Variants in RAD51B observed in about 807,000 individuals in gnomAD.
RAD51B encodes RAD51 paralog B, also known as DNA repair protein RAD51 homolog 2.
RAD51B carries 38 observed loss-of-function variants against 42.2 expected under a neutral mutation model. The observed-to-expected ratio is 0.90, with a 90% CI of 0.70 to 1.18. The LOEUF (loss-of-function observed/expected upper bound fraction) is 1.18, where lower values mean the gene tolerates loss of function less well. Among genes scored for constraint, RAD51B ranks in the 50% most tolerant of loss-of-function variants. RAD51B has a pLI of 0.00. For missense variants in RAD51B, 373 were observed against 400.7 expected, an observed-to-expected ratio of 0.93 and a Z score of 0.59; for synonymous variants, 154 against 145.2, an observed-to-expected ratio of 1.06 and a Z score of -0.43.
rs1396630083 is a variant in RAD51B, at chr14:68,412,782, T to C, written c.957+1255T>C. Among the ~76,000 whole-genome samples, 8 of 152,320 alleles carry C rather than the reference T, an allele frequency of 5.3e-5. No homozygotes were observed. In the South Asian group the frequency reaches 1.2e-3, roughly 24 times the overall value. On this transcript the variant is annotated intron_variant, in intron 9 of 10. Coordinates refer to ENST00000471583, the MANE Select transcript of RAD51B (RefSeq NM_133510.4). ...GTTCTGAAGCTGTTATTTCTCTTTT[T>C]AGTGGAACACATTCCAAAATATTCC...
chr14:68,569,028 C>T (rs990145887), intron 10 of RAD51B, among the ~76,000 whole-genome samples: 2 of 152,210 alleles, frequency 1.3e-5, no homozygotes, highest in Non-Finnish European at 2.9e-5. Flanking sequence ...TGTTGAAGGG[C>T]TTTGGGGTCT....
intron 7 of RAD51B, among the ~76,000 whole-genome samples, chr14:68,197,200 T>C (rs1227535234): frequency 6.6e-6 from 1 of 152,194 alleles, no homozygotes; most frequent in Non-Finnish European, 1.5e-5. Context: ...TTCCAGTCAA[T>C]CTCAAGCCTC....
At chr14:68,372,845 A>G (rs943035521) in intron 8 of RAD51B, among the ~76,000 whole-genome samples, 20 of 152,260 alleles carry the variant, frequency 1.3e-4, no homozygotes, top group Middle Eastern at 3.2e-3. Context: ...GTGAGAGAAC[A>G]TAATACATAA....
chr14:68,077,338 A>G (rs533643831), intron 7 of RAD51B, among the ~76,000 whole-genome samples: 10 of 152,286 alleles, frequency 6.6e-5, no homozygotes, highest in Non-Finnish European at 5.9e-5. Flanking sequence ...AGAATACAAG[A>G]TATTGTCCCT....
intron 10 of RAD51B, among the ~76,000 whole-genome samples, chr14:68,557,105 C>T (rs1888891531): frequency 6.6e-6 from 1 of 152,208 alleles, no homozygotes; most frequent in Non-Finnish European, 1.5e-5. Context: ...TTCAGGAGAA[C>T]ACTTTTTATA....
At chr14:68,077,409 T>C (rs999685016) in intron 7 of RAD51B, among the ~76,000 whole-genome samples, 3 of 152,208 alleles carry the variant, frequency 2.0e-5, no homozygotes, top group African/African-American at 7.2e-5. Context: ...TAAATCATCC[T>C]GCTTAGGTTT....
chr14:68,104,529 T>A (rs2077344386), intron 7 of RAD51B, among the ~76,000 whole-genome samples: 1 of 152,198 alleles, frequency 6.6e-6, no homozygotes, highest in Admixed American at 6.5e-5. Flanking sequence ...ATTCTGTGTC[T>A]TAAAATTCAG....
intron 7 of RAD51B, among the ~76,000 whole-genome samples, chr14:68,207,034 CCCG>C (rs2079604756): frequency 6.6e-6 from 1 of 152,222 alleles, no homozygotes; most frequent in East Asian, 1.9e-4. Flanking sequence ...TCATGATCCG[CCCG>C]CCTTGGCCTC....
At chr14:67,880,565 C>A (rs2042872868) in intron 5 of RAD51B, among the ~76,000 whole-genome samples, 1 of 152,118 alleles carries the variant, frequency 6.6e-6, no homozygotes, top group African/African-American at 2.4e-5. Flanking sequence ...TTTGACAACC[C>A]CTGCTTTATT....
intron 11 of RAD51B, among the ~76,000 whole-genome samples, chr14:68,657,785 C>T (rs1211504435): frequency 6.6e-6 from 1 of 152,250 alleles, no homozygotes; most frequent in Non-Finnish European, 1.5e-5. Flanking sequence ...CTTGGACCTT[C>T]TGCTCTGTGC....
At chr14:67,995,489 CT>C (rs2075365228) in intron 7 of RAD51B, among the ~76,000 whole-genome samples, 1 of 152,158 alleles carries the variant, frequency 6.6e-6, no homozygotes, top group Admixed American at 6.6e-5. Flanking sequence ...AACTTAGGAT[CT>C]TTTTCTCACA....
At chr14:68,223,787 A>G (rs1207719078) in intron 7 of RAD51B, among the ~76,000 whole-genome samples, 4 of 152,182 alleles carry the variant, frequency 2.6e-5, no homozygotes, top group Non-Finnish European at 5.9e-5. Flanking sequence ...ACTATTTTCC[A>G]TTCTGTCACT....
intron 10 of RAD51B, among the ~76,000 whole-genome samples, chr14:68,642,778 C>T (rs1018717882): frequency 1.2e-4 from 18 of 152,284 alleles, no homozygotes; most frequent in African/African-American, 4.3e-4. Context: ...TTGCTGCATC[C>T]CACAAATTTT....
rs1175362659 is a variant in RAD51B, at chr14:68,354,223, T to TG, written c.854-57201_854-57200insG. Among the ~76,000 whole-genome samples, 6 of 146,818 alleles carry TG rather than the reference T, an allele frequency of 4.1e-5. No homozygotes were observed. In the East Asian group the frequency reaches 9.8e-4, roughly 24 times the overall value. ...TTGGTTTTTGGTTTTTTGGTTTTTTTTTTTTTTTTTTTGAGATGGAGTCTC... is the reference window on the plus strand; with the variant it reads ...TTGGTTTTTGGTTTTTTGGTTTTTTTGTTTTTTTTTTTTGAGATGGAGTCTC... On this transcript the variant is annotated intron_variant, in intron 8 of 10. Transcript: ENST00000471583.
intron 10 of RAD51B, among the ~76,000 whole-genome samples, chr14:68,572,601 C>A (rs1246694252): frequency 6.6e-6 from 1 of 152,164 alleles, no homozygotes; most frequent in Non-Finnish European, 1.5e-5. Context: ...CCCAATAACT[C>A]CTGCGGTGCC....
intron 7 of RAD51B, among the ~76,000 whole-genome samples, chr14:68,096,136 C>T (rs2077191037): frequency 6.6e-6 from 1 of 152,262 alleles, no homozygotes; most frequent in East Asian, 1.9e-4. Context: ...GGATATTCTA[C>T]AAAATCCATA....
At chr14:68,055,693 T>C (rs2076462498) in intron 7 of RAD51B, among the ~76,000 whole-genome samples, 1 of 151,994 alleles carries the variant, frequency 6.6e-6, no homozygotes, top group Non-Finnish European at 1.5e-5. Context: ...TCTCATGAGG[T>C]TTCAGTTAGA....
At chr14:67,989,635 C>CAAAAAAAAAAAAAAA (rs764608072) in intron 7 of RAD51B, among the ~76,000 whole-genome samples, 11 of 66,764 alleles carry the variant, frequency 1.6e-4, no homozygotes, top group Middle Eastern at 8.8e-3. Flanking sequence ...AACTCTGTCT[C>CAAAAAAAAAAAAAAA]AAAAAAAAAA....
intron 10 of RAD51B, among the ~76,000 whole-genome samples, chr14:68,473,353 G>A (rs536295324): frequency 2.2e-4 from 33 of 152,278 alleles, no homozygotes; most frequent in African/African-American, 7.2e-4. Flanking sequence ...CTGCAGCCTC[G>A]GAAAGTTTGT....
Sources: allele counts gnomAD v4.1 joint callset (sites outside exome capture counted in the v4.1 genomes callset), GRCh38; gene constraint gnomAD v4.1.1; transcripts MANE v1.5; gene names NCBI Gene and HGNC (gene_info 2026-07-23, HGNC 2026-07-21).